The following WDR12 variants were observed in gnomAD, a reference collection of about 807,000 sequenced individuals.
WDR12 encodes ribosome biogenesis protein WDR12.
A neutral mutation model predicts 64.3 loss-of-function variants in WDR12; 42 were observed. The observed-to-expected ratio is 0.65, with a 90% CI of 0.51 to 0.84. The LOEUF (loss-of-function observed/expected upper bound fraction) is 0.84. Ranked by LOEUF, WDR12 falls within the 40% of genes least tolerant of loss-of-function variation. WDR12 has a pLI of 0.00. For synonymous variants in WDR12, 158 were observed against 173.3 expected (o/e 0.91, Z 0.70); for missense variants, 469 against 494.6 (o/e 0.95, Z 0.49).
chr2:202,882,627 C>T, intron 12 of WDR12, 84 bp downstream of exon 12: 2 of 1,448,800 alleles, frequency 1.4e-6, no homozygotes, highest in Non-Finnish European at 1.9e-6. Flanking sequence ...TGCACCCGGC[C>T]CGAAACTAAT....
At chr2:202,891,931 T>C (rs1275482230) in intron 8 of WDR12, among the ~76,000 whole-genome samples, 1 of 152,170 alleles carries the variant, frequency 6.6e-6, no homozygotes, top group African/African-American at 2.4e-5. Flanking sequence ...TGGGGAAATG[T>C]TGGTCCAAGG....
intron 11 of WDR12, chr2:202,882,994 A>C (rs1488929914): frequency 2.1e-6 from 1 of 469,688 alleles, no homozygotes; most frequent in African/African-American, 2.0e-5. Context: ...AAATATATTC[A>C]GAAAAAAATG....
At chr2:202,898,569 C>T (rs959720523) in intron 4 of WDR12, among the ~76,000 whole-genome samples, 2 of 152,184 alleles carry the variant, frequency 1.3e-5, no homozygotes, top group Non-Finnish European at 2.9e-5. Flanking sequence ...AAGCTCCTAC[C>T]ATAATCTACT....
chr2:202,908,969 T>C (rs193275476), intron 1 of WDR12, among the ~76,000 whole-genome samples: 118 of 152,330 alleles, frequency 7.7e-4, no homozygotes, highest in African/African-American at 2.4e-3. Flanking sequence ...ATCCAGGTAA[T>C]GTTAATCAAA....
At chr2:202,889,477 C>T (rs1450281436) in intron 8 of WDR12, among the ~76,000 whole-genome samples, 1 of 150,130 alleles carries the variant, frequency 6.7e-6, no homozygotes, top group Admixed American at 6.6e-5. Context: ...GGCAACAAAG[C>T]AAGACACCAT....
At chr2:202,900,748 G>C (rs1334535813) in intron 3 of WDR12, among the ~76,000 whole-genome samples, 1 of 152,038 alleles carries the variant, frequency 6.6e-6, no homozygotes, top group African/African-American at 2.4e-5. Flanking sequence ...TATAAAGAAT[G>C]TGTTCATTTA....
At position 202,877,296 on chromosome 2, in the gene WDR12, A is replaced by C. The variant is rs1233876157; in HGVS notation, c.*3564T>G. On this transcript the variant is annotated 3_prime_UTR_variant, in exon 13 of 13. Transcript: ENST00000261015. ...AAAAGAAAATATTGATCATCTTCTC[A>C]TAGAAAAGCTATGTTTTTCTACAAA... 2.6e-5 allele frequency: 4 copies of C among 152,124 alleles called. No homozygotes were observed. 9.4% of individuals were successfully genotyped at this position (152,124 alleles called of 1,614,324 possible). A position where few individuals can be genotyped will look rare whatever the true frequency, so the allele number is the denominator to read the frequency against.
chr2:202,909,842 T>C (rs1688535548), intron 1 of WDR12, among the ~76,000 whole-genome samples: 1 of 152,096 alleles, frequency 6.6e-6, no homozygotes, highest in Admixed American at 6.6e-5. Context: ...TTCCCCAGGC[T>C]GGAGTGCAGT....
rs200812377 is a variant in WDR12, at chr2:202,883,682, A to C, written c.1048T>G (p.Trp350Gly). ...AGCTGCTGTTCATGGGTAGGAGACC[A>C]TTTTACTGATGTCACCCAACCAGTA... is the stretch of plus-strand genomic sequence containing the variant. ...SHTGWVTSVK[W>G]SPTHEQQLIS... is the part of the protein sequence containing the mutation. Residue 350 changes from tryptophan to glycine, a missense_variant, in exon 11 of 13, where the codon TGG becomes GGG. Physicochemically the swap from Trp to Gly is radical, Grantham distance 184 (BLOSUM62 -2). Transcript: ENST00000261015. 6.2e-7 allele frequency: 1 copy of C among 1,614,164 alleles called. No individual in the cohort carries two copies. The highest frequency in any genetic ancestry group is 2.2e-5 in the East Asian group (1 of 44,884).
chr2:202,903,439 A>T (rs1293344149), intron 2 of WDR12, among the ~76,000 whole-genome samples: 3 of 132,554 alleles, frequency 2.3e-5, no homozygotes, highest in Non-Finnish European at 4.7e-5. Context: ...TAGCTAGAGC[A>T]ATCAGATGGA....
intron 11 of WDR12, among the ~76,000 whole-genome samples, chr2:202,883,089 T>TAC (rs1195282912): frequency 6.6e-6 from 1 of 152,212 alleles, no homozygotes; most frequent in Non-Finnish European, 1.5e-5. Flanking sequence ...TGGCCTTATA[T>TAC]ACTGTTTGTC....
At chr2:202,891,290 G>T (rs919842074) in intron 8 of WDR12, among the ~76,000 whole-genome samples, 4 of 152,154 alleles carry the variant, frequency 2.6e-5, no homozygotes, top group Non-Finnish European at 5.9e-5. Context: ...GGGACCACAG[G>T]TGCAAGCCAC....
chr2:202,882,663 T>C, intron 12 of WDR12, 48 bp downstream of exon 12: 1 of 1,571,060 alleles, frequency 6.4e-7, no homozygotes, highest in Non-Finnish European at 8.8e-7. Context: ...AAACACCAGA[T>C]TTATTCTAGT....
chr2:202,910,807 GGTGGGAGTTTC>G (rs1194327384), intron 1 of WDR12, among the ~76,000 whole-genome samples: 1 of 152,138 alleles, frequency 6.6e-6, no homozygotes, highest in African/African-American at 2.4e-5. Context: ...ATGTAACTCA[GGTGGGAGTTTC>G]CTAGTTTATG....
intron 4 of WDR12, among the ~76,000 whole-genome samples, chr2:202,897,688 G>A (rs1476761339): frequency 6.7e-6 from 1 of 148,560 alleles, no homozygotes; most frequent in East Asian, 2.0e-4. Context: ...AGGAGATCGA[G>A]ACCATTCTGG....
At chr2:202,894,893 G>C (rs1224296692) in intron 6 of WDR12, 4 of 290,566 alleles carry the variant, frequency 1.4e-5, no homozygotes, top group African/African-American at 8.8e-5. Context: ...GCGAGAGGGT[G>C]TGCGGACCAC....
chr2:202,882,790 G>A lies in WDR12; in HGVS notation c.1122-7C>T, dbSNP rs763304683. ...ATAGAGAGGAGCCTTACAACTAAAA[G>A]ATGAAAATATTAACATATTATATGC... On this transcript the variant is annotated splice_region_variant and splice_polypyrimidine_tract_variant and intron_variant, in intron 11 of 12. Transcript: ENST00000261015. The A allele has an allele frequency of 6.2e-7, 1 of 1,612,984 alleles. No homozygotes were observed. Among genetic ancestry groups the A allele is most frequent in the African/African-American group, 1.3e-5 (1 of 74,996 alleles).
At chr2:202,890,072 A>G (rs888812495) in intron 8 of WDR12, among the ~76,000 whole-genome samples, 1 of 151,972 alleles carries the variant, frequency 6.6e-6, no homozygotes, top group Non-Finnish European at 1.5e-5. Flanking sequence ...ACAAAAAAAA[A>G]GAAAAATTAG....
At chr2:202,897,232 G>T in intron 5 of WDR12, 68 bp downstream of exon 5, 2 of 1,088,114 alleles carry the variant, frequency 1.8e-6, no homozygotes, top group Non-Finnish European at 2.7e-6. Context: ...TTCTTCCCCA[G>T]CACCAAAAAT....
Sources: gnomAD v4.1 joint callset for allele counts (sites outside exome capture counted in the v4.1 genomes callset) on GRCh38, gnomAD v4.1.1 for gene constraint, MANE v1.5 for transcripts, NCBI Gene and HGNC (gene_info 2026-07-23, HGNC 2026-07-21) for gene names.